PLCB4: variants seen among roughly 807,000 people sequenced by gnomAD.
PLCB4 encodes the protein phospholipase C beta 4.
Under a neutral mutation model 178.8 loss-of-function variants are expected in PLCB4, and 77 were observed. The observed-to-expected ratio is 0.43, with a 90% confidence interval of 0.36 to 0.52. The LOEUF is 0.52. Ranked by LOEUF, PLCB4 falls within the 20% of genes least tolerant of loss-of-function variation. The pLI, the probability that PLCB4 is intolerant of heterozygous loss-of-function variation, is 0.00. For missense variants in PLCB4, 1,024 were observed against 1,453.4 expected, an observed-to-expected ratio of 0.70 and a Z score of 4.80; for synonymous variants, 496 against 490.8, an observed-to-expected ratio of 1.01 and a Z score of -0.14.
intron 3 of PLCB4, among the ~76,000 whole-genome samples, chr20:9,227,938 T>C (rs996082507): frequency 6.6e-6 from 1 of 152,160 alleles, no homozygotes; most frequent in African/African-American, 2.4e-5. Flanking sequence ...AATCATGTGA[T>C]TGCATATGGG....
intron 2 of PLCB4, among the ~76,000 whole-genome samples, chr20:9,194,031 ACT>A (rs748811363): frequency 1.2e-4 from 18 of 151,880 alleles, no homozygotes; most frequent in Non-Finnish European, 2.2e-4. Context: ...GGAAGCTATC[ACT>A]CTTTTTATAC....
rs185143324 is a variant in PLCB4, at chr20:9,238,440, G to A, written c.-16+20988G>A. Among the ~76,000 whole-genome samples the A allele has an allele frequency of 1.2e-4, 19 of 152,266 alleles. No individual in the cohort carries two copies. The East Asian group carries it at 3.7e-3, about 29-fold the overall frequency. Reference sequence around the variant, plus strand: ...CGAGGGACACCTTATCCATATGTGGGTGTCATCCTTCAGCACAGCAGGAAC... The same window carrying A: ...CGAGGGACACCTTATCCATATGTGGATGTCATCCTTCAGCACAGCAGGAAC... On this transcript the variant is annotated intron_variant, in intron 3 of 39. Coordinates refer to ENST00000378473, the MANE Select transcript of PLCB4 (RefSeq NM_001377142.1).
intron 3 of PLCB4, among the ~76,000 whole-genome samples, chr20:9,224,021 C>CT (rs2093832401): frequency 2.0e-5 from 3 of 152,262 alleles, no homozygotes; most frequent in South Asian, 4.1e-4. Flanking sequence ...CCATTTCGTA[C>CT]TTTTGGACTG....
At position 9,236,111 on chromosome 20, in the gene PLCB4, C is replaced by T. The variant is rs558761076; in HGVS notation, c.-16+18659C>T. On this transcript the variant is annotated intron_variant, in intron 3 of 39. Transcript: ENST00000378473. ...CCATGGTCACCATCCCTTCCCTAAG[C>T]GTAATCTCTTTCTTGACTTTTTATA... Among the ~76,000 whole-genome samples the T allele has an allele frequency of 2.1e-4, 32 of 152,242 alleles. No individual in the cohort carries two copies. In the East Asian group the frequency reaches 4.3e-3, roughly 20 times the overall value.
chr20:9,349,557 T>G lies in PLCB4; in HGVS notation c.369+10520T>G, dbSNP rs551964252. 2.0e-5 allele frequency among the ~76,000 whole-genome samples: 3 copies of G among 152,364 alleles called. No individual in the cohort carries two copies. In the East Asian group the frequency reaches 5.8e-4, roughly 29 times the overall value. On this transcript the variant is annotated intron_variant, in intron 7 of 39. Transcript: ENST00000378473. ...TCCTTCACAGTTGTGTTTGAAATGC[T>G]GTGCTCTTCATGGGGCACATGGTTT...
intron 32 of PLCB4, among the ~76,000 whole-genome samples, chr20:9,444,727 A>T (rs6039472): frequency 9.1e-4 from 138 of 152,304 alleles, no homozygotes; most frequent in African/African-American, 2.9e-3. Flanking sequence ...GTGCCATTGC[A>T]TTCCAGTGTA....
chr20:9,175,909 AT>A (rs1384868434), intron 2 of PLCB4, among the ~76,000 whole-genome samples: 1 of 152,136 alleles, frequency 6.6e-6, no homozygotes, highest in Non-Finnish European at 1.5e-5. Context: ...TTTAGTGCTC[AT>A]TTTGCATTGC....
At chr20:9,442,712 C>T (rs2042182445) in intron 30 of PLCB4, among the ~76,000 whole-genome samples, 1 of 152,066 alleles carries the variant, frequency 6.6e-6, no homozygotes, top group Non-Finnish European at 1.5e-5. Context: ...CCTTACCCTG[C>T]CTCAGTCACT....
At chr20:9,463,201 C>T (rs867361461) in intron 35 of PLCB4, among the ~76,000 whole-genome samples, 49 of 152,264 alleles carry the variant, frequency 3.2e-4, no homozygotes, top group African/African-American at 2.9e-4. Context: ...AAATCCTTTA[C>T]AGGCAAGCAA....
At chr20:9,297,091 A>T (rs561421799) in intron 3 of PLCB4, among the ~76,000 whole-genome samples, 1 of 152,202 alleles carries the variant, frequency 6.6e-6, no homozygotes, top group East Asian at 1.9e-4. Context: ...AAATAGATTT[A>T]TTATTCATGA....
chr20:9,379,114 A>G (rs2036926014), intron 12 of PLCB4, among the ~76,000 whole-genome samples: 1 of 152,082 alleles, frequency 6.6e-6, no homozygotes, highest in Non-Finnish European at 1.5e-5. Flanking sequence ...CTTATTCATT[A>G]TTTTTGTAAG....
At chr20:9,171,331 C>T (rs1037696055) in intron 2 of PLCB4, among the ~76,000 whole-genome samples, 2 of 152,156 alleles carry the variant, frequency 1.3e-5, no homozygotes, top group Non-Finnish European at 2.9e-5. Context: ...CGTTTCCTTG[C>T]TCACAAAAGA....
Position 9,103,998 on chromosome 20 carries a change from T to C in PLCB4, c.-79+7656T>C, listed in dbSNP as rs1018699858. ...TGGTCTCTGTTCCAGTTGCTATTGC[T>C]GTGCAACAAACCACCGTGAAACTAA... On this transcript the variant is annotated intron_variant, in intron 2 of 39. Transcript: ENST00000378473. Among the ~76,000 whole-genome samples, 3 of 152,176 alleles carry C rather than the reference T, an allele frequency of 2.0e-5. No individual in the cohort carries two copies. The East Asian group carries it at 5.8e-4, about 29-fold the overall frequency.
At chr20:9,440,139 A>AGGGG (rs2042022587) in intron 30 of PLCB4, among the ~76,000 whole-genome samples, 1 of 152,232 alleles carries the variant, frequency 6.6e-6, no homozygotes, top group African/African-American at 2.4e-5. Context: ...GTGAAAGTAC[A>AGGGG]GATGCTCCTT....
At chr20:9,444,389 T>C in intron 32 of PLCB4, 146 bp downstream of exon 32, 1 of 588,802 alleles carries the variant, frequency 1.7e-6, no homozygotes, top group South Asian at 2.2e-5. Context: ...ATAGAATCGG[T>C]TTGGGAGTGC....
chr20:9,247,168 A>G (rs761010977), intron 3 of PLCB4, among the ~76,000 whole-genome samples: 5 of 152,304 alleles, frequency 3.3e-5, no homozygotes, highest in Non-Finnish European at 5.9e-5. Context: ...TTTGTTGCCA[A>G]TGCCCATAAT....
At chr20:9,082,359 A>G (rs575478193) in intron 1 of PLCB4, among the ~76,000 whole-genome samples, 1 of 152,350 alleles carries the variant, frequency 6.6e-6, no homozygotes, top group African/African-American at 2.4e-5. Flanking sequence ...CATGTTTTAT[A>G]GTTCCAAAAC....
chr20:9,400,233 C>G (rs2038924030), intron 19 of PLCB4, among the ~76,000 whole-genome samples: 1 of 152,036 alleles, frequency 6.6e-6, no homozygotes, highest in Admixed American at 6.6e-5. Context: ...AGAGATACTT[C>G]ACAAAATAAA....
At chr20:9,200,395 A>T (rs1442548213) in intron 2 of PLCB4, among the ~76,000 whole-genome samples, 1 of 152,160 alleles carries the variant, frequency 6.6e-6, no homozygotes, top group Non-Finnish European at 1.5e-5. Flanking sequence ...CGCCACTGTC[A>T]TCACTCATTC....
Sources: gnomAD v4.1 joint callset for allele counts (sites outside exome capture counted in the v4.1 genomes callset) on GRCh38, gnomAD v4.1.1 for gene constraint, MANE v1.5 for transcripts, NCBI Gene and HGNC (gene_info 2026-07-23, HGNC 2026-07-21) for gene names.